Variants in NTRK2 observed in about 807,000 individuals in gnomAD.
NTRK2 encodes BDNF/NT-3 growth factors receptor.
A neutral mutation model predicts 94.5 loss-of-function variants in NTRK2; 13 were observed. The ratio of observed to expected loss-of-function variants is 0.14; its 90% CI spans 0.09 to 0.22. The LOEUF is 0.22. NTRK2 is among the 10% of genes least tolerant of loss of function. The pLI, the probability that NTRK2 is intolerant of heterozygous loss-of-function variation, is 1.00. For synonymous variants in NTRK2, 372 were observed against 407.4 expected, an observed-to-expected ratio of 0.91 and a Z score of 1.05; for missense variants, 639 against 1,071.2, an observed-to-expected ratio of 0.60 and a Z score of 5.63.
Position 84,752,551 on chromosome 9 carries a change from T to C in NTRK2, c.1396+466T>C, listed in dbSNP as rs4877878. Among the ~76,000 whole-genome samples the C allele has an allele frequency of 3.0e-3, 454 of 152,354 alleles. 11 individuals are homozygous for C. The highest frequency in any genetic ancestry group is 0.026 in the Admixed American group (395 of 15,304). On this transcript the variant is annotated intron_variant, in intron 12 of 18. Coordinates refer to ENST00000277120, the MANE Select transcript of NTRK2 (RefSeq NM_006180.6). ...CTTTGAAATTTAAACAACAGTGTTA[T>C]GAAGCAAAATAAGAACAGCTATCAG...
At chr9:84,848,623 C>T (rs1198636077) in intron 12 of NTRK2, among the ~76,000 whole-genome samples, 2 of 152,320 alleles carry the variant, frequency 1.3e-5, no homozygotes, top group Admixed American at 6.5e-5. Context: ...ATGAGATCCA[C>T]AAGAAAGCCG....
chr9:84,697,662 C>A (rs1048104122), intron 2 of NTRK2, among the ~76,000 whole-genome samples: 2 of 152,182 alleles, frequency 1.3e-5, no homozygotes, highest in African/African-American at 4.8e-5. Flanking sequence ...GCAGGAGAGG[C>A]CAGGGCTGTG....
In NTRK2 at chr9:85,026,367, G is replaced by A. The variant is rs984481010; in HGVS notation, c.*4930G>A. ...GATCCTGAGTGGAGGTTAGCTGAAC[G>A]TTCAATGTACTGGAGCAAGCATCAT... On this transcript the variant is annotated 3_prime_UTR_variant, in exon 19 of 19. Coordinates refer to ENST00000277120, the MANE Select transcript of NTRK2 (RefSeq NM_006180.6). 5 of 231,472 alleles carry A rather than the reference G, an allele frequency of 2.2e-5. No individual in the cohort carries two copies. The highest frequency in any genetic ancestry group is 6.1e-5 in the East Asian group (1 of 16,370). The allele number at this position is 231,472 out of a possible 1,614,324, so 14.3% of individuals were successfully genotyped here. A position where few individuals can be genotyped will look rare whatever the true frequency, so the allele number is the denominator to read the frequency against.
At chr9:84,818,178 C>T (rs764005844) in intron 12 of NTRK2, among the ~76,000 whole-genome samples, 3 of 152,128 alleles carry the variant, frequency 2.0e-5, no homozygotes, top group Non-Finnish European at 4.4e-5. Context: ...CCATGAGGGA[C>T]GTGCCTCAGG....
chr9:84,798,243 G>C (rs1406804999), intron 12 of NTRK2, among the ~76,000 whole-genome samples: 1 of 151,888 alleles, frequency 6.6e-6, no homozygotes, highest in Non-Finnish European at 1.5e-5. Flanking sequence ...TCATTCATGA[G>C]GGCTCCACCC....
chr9:84,935,152 A>G (rs2078173390), intron 15 of NTRK2, among the ~76,000 whole-genome samples: 1 of 152,254 alleles, frequency 6.6e-6, no homozygotes, highest in East Asian at 1.9e-4. Context: ...GAATATGGAC[A>G]TGGCTAATGT....
chr9:84,941,593 T>G (rs573459658), intron 15 of NTRK2, among the ~76,000 whole-genome samples: 2 of 152,204 alleles, frequency 1.3e-5, no homozygotes, highest in Non-Finnish European at 2.9e-5. Flanking sequence ...TTTAACATGA[T>G]GAACGAATTC....
In NTRK2 at chr9:84,760,169, C is replaced by T. The variant is rs75000764; in HGVS notation, c.1396+8084C>T. On this transcript the variant is annotated intron_variant, in intron 12 of 18. Transcript: ENST00000277120. ...GCTTGAGTTTAAATCCCAGATCTCC[C>T]GCCTGCTGGTCATCATTTTGGGCAA... Among the ~76,000 whole-genome samples the T allele has an allele frequency of 4.4e-3, 672 of 152,242 alleles. 12 individuals carry two copies. The highest frequency in any genetic ancestry group is 0.015 in the African/African-American group (643 of 41,554).
At chr9:84,843,059 TC>T in intron 12 of NTRK2, among the ~76,000 whole-genome samples, 1 of 152,296 alleles carries the variant, frequency 6.6e-6, no homozygotes, top group South Asian at 2.1e-4. Flanking sequence ...GCACCTCAGT[TC>T]CCTCCTGTAG....
chr9:84,882,529 A>T (rs1232113805), intron 14 of NTRK2, among the ~76,000 whole-genome samples: 3 of 152,132 alleles, frequency 2.0e-5, no homozygotes, highest in Non-Finnish European at 4.4e-5. Context: ...TGCTCAGCTT[A>T]GTTTTTCTCA....
In NTRK2 at chr9:84,992,913, A is replaced by T. The variant is rs191477957; in HGVS notation, c.2173-27293A>T. ...CAAAGTAAAGAGTTAAGAAAAAAAAAATATATAAATATATTTAATGTATTA... is the reference window on the plus strand; with the variant it reads ...CAAAGTAAAGAGTTAAGAAAAAAAATATATATAAATATATTTAATGTATTA... On this transcript the variant is annotated intron_variant, in intron 17 of 18. Coordinates refer to ENST00000277120, the MANE Select transcript of NTRK2 (RefSeq NM_006180.6). 9.3e-3 allele frequency among the ~76,000 whole-genome samples: 1,385 copies of T among 149,436 alleles called. 9 individuals are homozygous for T. Among genetic ancestry groups the T allele is most frequent in the Admixed American group, 0.034 (501 of 14,838 alleles).
chr9:84,681,554 G>A (rs578212041), intron 2 of NTRK2, among the ~76,000 whole-genome samples: 1 of 152,286 alleles, frequency 6.6e-6, no homozygotes, highest in African/African-American at 2.4e-5. Context: ...CGGGCTTGCA[G>A]TGTGTGGGAG....
At chr9:84,748,692 A>T (rs900947665) in intron 11 of NTRK2, among the ~76,000 whole-genome samples, 1 of 152,208 alleles carries the variant, frequency 6.6e-6, no homozygotes, top group African/African-American at 2.4e-5. Context: ...TATTTATCAA[A>T]TGGAGTTTGA....
At chr9:84,877,507 A>T in intron 14 of NTRK2, 1 of 1,066,396 alleles carries the variant, frequency 9.4e-7, no homozygotes. Flanking sequence ...TTCTCTCTGT[A>T]AGCTCCCCAT....
chr9:85,019,109 G>C (rs1412249563), intron 17 of NTRK2, among the ~76,000 whole-genome samples: 1 of 152,068 alleles, frequency 6.6e-6, no homozygotes, highest in East Asian at 1.9e-4. Flanking sequence ...TCTGGGGTAG[G>C]GGAACATTTT....
At chr9:84,736,720 A>C (rs2063287177) in intron 9 of NTRK2, among the ~76,000 whole-genome samples, 1 of 152,234 alleles carries the variant, frequency 6.6e-6, no homozygotes, top group Non-Finnish European at 1.5e-5. Flanking sequence ...ATGTTAGTTA[A>C]TTATGCTTCC....
intron 9 of NTRK2, among the ~76,000 whole-genome samples, chr9:84,737,279 T>C (rs2063328095): frequency 6.6e-6 from 1 of 152,206 alleles, no homozygotes; most frequent in African/African-American, 2.4e-5. Context: ...TTTTTTTTTA[T>C]CCAACAAACC....
chr9:84,794,765 G>T (rs930822506), intron 12 of NTRK2, among the ~76,000 whole-genome samples: 10 of 152,176 alleles, frequency 6.6e-5, no homozygotes, highest in African/African-American at 1.9e-4. Context: ...TAGGACAGAG[G>T]TTGAACCTAA....
chr9:84,726,363 T>C (rs1307494479), intron 8 of NTRK2, among the ~76,000 whole-genome samples: 1 of 152,166 alleles, frequency 6.6e-6, no homozygotes, highest in African/African-American at 2.4e-5. Flanking sequence ...GGCAGGCGCC[T>C]GTAATCCAAG....
Sources: allele counts gnomAD v4.1 joint callset (sites outside exome capture counted in the v4.1 genomes callset), GRCh38; gene constraint gnomAD v4.1.1; transcripts MANE v1.5; gene names NCBI Gene and HGNC (gene_info 2026-07-23, HGNC 2026-07-21).